Variants in DCC observed in about 807,000 individuals in gnomAD.
DCC encodes the protein DCC netrin 1 receptor, also known as netrin receptor DCC.
Under a neutral mutation model 172.5 loss-of-function variants are expected in DCC, and 58 were observed. The observed-to-expected ratio is 0.34, with a 90% confidence interval of 0.27 to 0.42. DCC has a LOEUF of 0.42. DCC is among the 10% of genes least tolerant of loss of function. The pLI, the probability that DCC is intolerant of heterozygous loss-of-function variation, is 1.00. For synonymous variants in DCC, 709 were observed against 644.5 expected, an observed-to-expected ratio of 1.10 and a Z score of -1.52; for missense variants, 1,740 against 1,791.0, an observed-to-expected ratio of 0.97 and a Z score of 0.51.
chr18:53,105,800 T>C (rs907617029), intron 7 of DCC, among the ~76,000 whole-genome samples: 2 of 151,774 alleles, frequency 1.3e-5, no homozygotes, highest in African/African-American at 4.8e-5. Context: ...TATCAGTCTC[T>C]GACAATTTGT....
At chr18:53,332,325 TTAAGA>T (rs2057537892) in intron 14 of DCC, among the ~76,000 whole-genome samples, 2 of 152,054 alleles carry the variant, frequency 1.3e-5, no homozygotes, top group Non-Finnish European at 2.9e-5. Flanking sequence ...CACAAAACTA[TTAAGA>T]TAAATAGAAA....
In DCC at chr18:53,066,133, C is replaced by G. The variant is rs764318949; in HGVS notation, c.1228C>G (p.Gln410Glu). The change falls in exon 7 of 29, where the codon CAG (glutamine) becomes GAG (glutamate). Residue 410 changes from glutamine to glutamate, a missense_variant. Coordinates refer to ENST00000442544, the MANE Select transcript of DCC (RefSeq NM_005215.4). ...GGCTGAAAATGAGGCTGGAAATGCC[C>G]AGACCAGTGCACAGCTCATTGTCCC... ...CVAENEAGNA[Q>E]TSAQLIVPKP... 1 of 1,613,196 alleles carries G rather than the reference C, an allele frequency of 6.2e-7. No homozygotes were observed. The highest frequency in any genetic ancestry group is 8.5e-7 in the Non-Finnish European group (1 of 1,179,486).
intron 13 of DCC, among the ~76,000 whole-genome samples, chr18:53,318,715 G>A (rs1363063533): frequency 1.3e-5 from 2 of 148,184 alleles, no homozygotes; most frequent in African/African-American, 5.0e-5. Context: ...TTGTTTCATT[G>A]ATCACTTTAC....
chr18:52,359,686 CTA>C (rs1472789972), intron 1 of DCC, among the ~76,000 whole-genome samples: 3 of 152,120 alleles, frequency 2.0e-5, no homozygotes, highest in Non-Finnish European at 4.4e-5. Flanking sequence ...CTTGGGGTAG[CTA>C]TATAATCTTG....
rs1391418820 is a variant in DCC, at chr18:53,428,326, TATA to T, written c.3164-6814_3164-6812del. 1.9e-4 allele frequency among the ~76,000 whole-genome samples: 5 copies of T among 26,752 alleles called. 1 individual carries two copies. Among genetic ancestry groups the T allele is most frequent in the Admixed American group, 7.4e-4 (1 of 1,360 alleles). 17.6% of individuals were successfully genotyped at this position (26,752 alleles called of 152,430 possible). ...ATATAGAATATAATATATAATATAA[TATA>T]ATATATTGTATATAATATAATATAT... On this transcript the variant is annotated intron_variant, in intron 21 of 28. Transcript: ENST00000442544.
intron 1 of DCC, among the ~76,000 whole-genome samples, chr18:52,410,135 G>A (rs1031541660): frequency 1.3e-5 from 2 of 152,120 alleles, no homozygotes; most frequent in East Asian, 1.9e-4. Context: ...CTTCAAAAAC[G>A]GTATTAGGCT....
intron 1 of DCC, among the ~76,000 whole-genome samples, chr18:52,403,763 G>A (rs961161767): frequency 4.6e-5 from 7 of 152,128 alleles, no homozygotes; most frequent in African/African-American, 1.7e-4. Flanking sequence ...TGCATTTGCT[G>A]CTAATTCAAT....
At chr18:52,508,432 T>C (rs1247634237) in intron 1 of DCC, among the ~76,000 whole-genome samples, 2 of 152,184 alleles carry the variant, frequency 1.3e-5, no homozygotes, top group African/African-American at 4.8e-5. Context: ...TAATTTCAGA[T>C]TACACAGCAT....
chr18:53,084,277 C>T (rs1043482546), intron 7 of DCC, among the ~76,000 whole-genome samples: 1 of 152,122 alleles, frequency 6.6e-6, no homozygotes, highest in Admixed American at 6.5e-5. Context: ...ACCCATTAAT[C>T]CATTAACCTA....
intron 5 of DCC, among the ~76,000 whole-genome samples, chr18:52,986,212 C>A (rs1450573225): frequency 6.6e-6 from 1 of 152,118 alleles, no homozygotes; most frequent in Non-Finnish European, 1.5e-5. Context: ...ATGTTGGAAG[C>A]TTACAGAATG....
At chr18:53,346,261 A>G (rs2057723421) in intron 15 of DCC, among the ~76,000 whole-genome samples, 1 of 152,158 alleles carries the variant, frequency 6.6e-6, no homozygotes, top group Non-Finnish European at 1.5e-5. Flanking sequence ...ATTATATTAT[A>G]TAGAGGCATA....
chr18:52,747,428 T>C (rs990763941), intron 1 of DCC, among the ~76,000 whole-genome samples: 3 of 152,250 alleles, frequency 2.0e-5, no homozygotes, highest in Non-Finnish European at 2.9e-5. Flanking sequence ...CTCACCATTG[T>C]AATTCTAATA....
At chr18:53,525,486 G>A (rs1025760788) in intron 27 of DCC, among the ~76,000 whole-genome samples, 1 of 152,066 alleles carries the variant, frequency 6.6e-6, no homozygotes, top group Non-Finnish European at 1.5e-5. Flanking sequence ...TTAGGTCACG[G>A]GATGGGAAAA....
At chr18:52,778,212 G>C (rs577861700) in intron 2 of DCC, among the ~76,000 whole-genome samples, 28 of 152,258 alleles carry the variant, frequency 1.8e-4, no homozygotes, top group Admixed American at 5.2e-4. Flanking sequence ...AAAAGTTTTC[G>C]ATAGAGAGTG....
At chr18:52,499,944 A>G (rs1043933404) in intron 1 of DCC, among the ~76,000 whole-genome samples, 1 of 152,098 alleles carries the variant, frequency 6.6e-6, no homozygotes, top group African/African-American at 2.4e-5. Flanking sequence ...GATAAATCCT[A>G]TATATCATCT....
chr18:53,467,646 T>C (rs951817507), intron 24 of DCC, among the ~76,000 whole-genome samples: 2 of 152,200 alleles, frequency 1.3e-5, no homozygotes, highest in Non-Finnish European at 2.9e-5. Context: ...CACTTTCACA[T>C]GTATAAACAT....
intron 2 of DCC, among the ~76,000 whole-genome samples, chr18:52,862,166 A>G (rs1285509101): frequency 6.6e-6 from 1 of 152,206 alleles, no homozygotes; most frequent in Non-Finnish European, 1.5e-5. Flanking sequence ...TATGATTTTT[A>G]CATACCAGAT....
intron 1 of DCC, among the ~76,000 whole-genome samples, chr18:52,434,264 T>A (rs1018212333): frequency 6.6e-6 from 1 of 152,168 alleles, no homozygotes; most frequent in Admixed American, 6.5e-5. Context: ...CATTTGGCAA[T>A]GTCTAGAGAT....
intron 2 of DCC, among the ~76,000 whole-genome samples, chr18:52,854,844 T>C (rs2039027910): frequency 6.6e-6 from 1 of 152,188 alleles, no homozygotes; most frequent in Non-Finnish European, 1.5e-5. Flanking sequence ...ACATTGGGCA[T>C]GCCTTCAGAG....
Sources: allele counts gnomAD v4.1 joint callset (sites outside exome capture counted in the v4.1 genomes callset), GRCh38; gene constraint gnomAD v4.1.1; transcripts MANE v1.5; gene names NCBI Gene and HGNC (gene_info 2026-07-23, HGNC 2026-07-21).